EPG5: variants seen among roughly 807,000 people sequenced by gnomAD.
The protein encoded by EPG5 is ectopic P-granules 5 autophagy tethering factor.
In EPG5, 159 loss-of-function variants were observed where a neutral mutation model predicts 302.7. The ratio of observed to expected loss-of-function variants is 0.53; its 90% CI spans 0.46 to 0.60. The LOEUF is 0.60. EPG5 is among the 20% of genes least tolerant of loss of function. The pLI is 0.00. For missense variants in EPG5, 2,896 were observed against 3,092.4 expected (o/e 0.94, Z 1.51); for synonymous variants, 1,158 against 1,136.8 (o/e 1.02, Z -0.37).
intron 23 of EPG5, 148 bp downstream of exon 23, chr18:45,910,373 A>C (rs1415639945): frequency 1.7e-6 from 1 of 574,258 alleles, no homozygotes; most frequent in African/African-American, 1.9e-5. Flanking sequence ...AAACATTTCA[A>C]GATGCAAATC....
At chr18:45,901,409 G>T (rs759933977) in intron 25 of EPG5, among the ~76,000 whole-genome samples, 28 of 152,110 alleles carry the variant, frequency 1.8e-4, no homozygotes, top group Non-Finnish European at 2.9e-4. Context: ...ATATCACGTG[G>T]ATCTAGTGAA....
chr18:45,862,887 T>C (rs182274891), intron 39 of EPG5, among the ~76,000 whole-genome samples: 5 of 152,376 alleles, frequency 3.3e-5, no homozygotes, highest in African/African-American at 1.2e-4. Flanking sequence ...CTGTATTTTA[T>C]TATTCAGTTG....
At chr18:45,878,478 C>T in intron 33 of EPG5, 30 bp from the exon 34 acceptor site, 1 of 1,412,326 alleles carries the variant, frequency 7.1e-7, no homozygotes, top group Non-Finnish European at 1.0e-6. Context: ...AAACAAAGGT[C>T]ATCATTTGTC....
In EPG5 at chr18:45,849,444, A is replaced by G. The variant is rs1339556746; in HGVS notation, c.*3023T>C. The G allele has an allele frequency of 6.6e-6, 1 of 152,234 alleles. No individual in the cohort carries two copies. Among genetic ancestry groups the G allele is most frequent in the Non-Finnish European group, 1.5e-5 (1 of 68,056 alleles). The allele number at this position is 152,234 out of a possible 1,614,324, so 9.4% of individuals were successfully genotyped here. ...AACGTGAATGACCCTTCTGACTGTA[A>G]AAGTCTACGATTCCAGGACATTTGC... On this transcript the variant is annotated 3_prime_UTR_variant, in exon 44 of 44. Transcript: ENST00000282041.
chr18:45,837,170 G>A, the EPG5 span: 1 of 1,575,630 alleles, frequency 6.3e-7, no homozygotes, highest in East Asian at 2.3e-5. Context: ...TTTCCACAGG[G>A]CAGGTTTTGA....
chr18:45,922,539 C>T lies in EPG5; in HGVS notation c.2900G>A (p.Trp967Ter), dbSNP rs2050182318. ...GETPETSFNQWAWNLILRLKL... is the reference protein window; with the variant it reads ...GETPETSFNQ ...TAGCCTCAAGATTAAATTCCAGGCC[C>T]ATTGGTTAAATGAGGTCTCGGGTGT... is the stretch of plus-strand genomic sequence containing the variant. Residue 967 changes from tryptophan to a stop codon, truncating the protein, a stop_gained, in exon 16 of 44, where the codon TGG becomes TAG. Transcript: ENST00000282041. LOFTEE classifies it high-confidence loss of function. The T allele has an allele frequency of 6.2e-7, 1 of 1,614,168 alleles. No homozygotes were observed. The highest frequency in any genetic ancestry group is 8.5e-7 in the Non-Finnish European group (1 of 1,180,028).
In EPG5 at chr18:45,961,032, G is replaced by A. The variant is rs116075007; in HGVS notation, c.64-5694C>T. ...CACCCACAGCTTTCTCCTTCTCAGGGTCTTCCTTGACTGTTTTCTCTCACA... is the reference window on the plus strand; with the variant it reads ...CACCCACAGCTTTCTCCTTCTCAGGATCTTCCTTGACTGTTTTCTCTCACA... On this transcript the variant is annotated intron_variant, in intron 1 of 43. Coordinates refer to ENST00000282041, the MANE Select transcript of EPG5 (RefSeq NM_020964.3). Among the ~76,000 whole-genome samples, 411 of 152,104 alleles carry A rather than the reference G, an allele frequency of 2.7e-3. 2 individuals are homozygous for A. Among genetic ancestry groups the A allele is most frequent in the African/African-American group, 9.3e-3 (387 of 41,480 alleles).
the EPG5 span, among the ~76,000 whole-genome samples, chr18:45,825,042 C>G: frequency 6.6e-6 from 1 of 151,760 alleles, no homozygotes; most frequent in Non-Finnish European, 1.5e-5. Context: ...GTTGGGTCAA[C>G]TGCTCAAAGA....
At chr18:45,940,320 G>A (rs942841902) in intron 9 of EPG5, among the ~76,000 whole-genome samples, 6 of 152,256 alleles carry the variant, frequency 3.9e-5, no homozygotes, top group Non-Finnish European at 7.3e-5. Flanking sequence ...GGGCCCTGCA[G>A]GCCACTGTGA....
intron 27 of EPG5, among the ~76,000 whole-genome samples, chr18:45,897,411 CT>C (rs1006315277): frequency 6.6e-6 from 1 of 152,116 alleles, no homozygotes; most frequent in Non-Finnish European, 1.5e-5. Flanking sequence ...GAAGACACCC[CT>C]TTTTTTATTA....
At chr18:45,826,837 G>T in the EPG5 span, among the ~76,000 whole-genome samples, 1 of 152,174 alleles carries the variant, frequency 6.6e-6, no homozygotes, top group East Asian at 1.9e-4. Context: ...GCAAACCTCT[G>T]CACAGCTGTC....
At chr18:45,816,487 C>G in the EPG5 span, among the ~76,000 whole-genome samples, 2 of 152,176 alleles carry the variant, frequency 1.3e-5, no homozygotes, top group East Asian at 1.9e-4. Flanking sequence ...ATAGACAATT[C>G]TCAAAAGAAG....
chr18:45,914,420 G>C (rs1318281151), intron 20 of EPG5, among the ~76,000 whole-genome samples: 2 of 152,192 alleles, frequency 1.3e-5, no homozygotes, highest in Non-Finnish European at 2.9e-5. Context: ...CAAATAAGAG[G>C]TTGAAGAACA....
intron 26 of EPG5, 82 bp downstream of exon 26, chr18:45,900,914 G>A (rs1599528754): frequency 3.4e-6 from 5 of 1,462,078 alleles, no homozygotes; most frequent in Non-Finnish European, 4.6e-6. Flanking sequence ...TGCTGACAAG[G>A]AAGCCACTCC....
chr18:45,916,237 G>T, intron 18 of EPG5, 31 bp from the exon 19 acceptor site: 1 of 1,582,460 alleles, frequency 6.3e-7, no homozygotes, highest in Non-Finnish European at 8.6e-7. Context: ...TGATGGGAAA[G>T]ATAACAACCA....
At chr18:45,860,599 A>G (rs191104371) in intron 39 of EPG5, among the ~76,000 whole-genome samples, 46 of 135,106 alleles carry the variant, frequency 3.4e-4, no homozygotes, top group African/African-American at 1.5e-3. Context: ...GCAGAGCAAT[A>G]CTTAATAAAT....
At chr18:45,939,242 T>G (rs999883657) in intron 10 of EPG5, among the ~76,000 whole-genome samples, 1 of 152,206 alleles carries the variant, frequency 6.6e-6, no homozygotes, top group Non-Finnish European at 1.5e-5. Flanking sequence ...TTGCACCACA[T>G]GCTGCACACC....
At chr18:45,895,038 T>C (rs996016438) in intron 27 of EPG5, among the ~76,000 whole-genome samples, 1 of 152,072 alleles carries the variant, frequency 6.6e-6, no homozygotes, top group African/African-American at 2.4e-5. Context: ...GTGCATACCA[T>C]GGAGAAATGG....
At chr18:45,870,980 G>C (rs186167118) in intron 35 of EPG5, among the ~76,000 whole-genome samples, 23 of 152,206 alleles carry the variant, frequency 1.5e-4, no homozygotes, top group Admixed American at 3.3e-4. Context: ...GAAATAATCA[G>C]CTTTTCTTTA....
Sources: gnomAD v4.1 joint callset for allele counts (sites outside exome capture counted in the v4.1 genomes callset) on GRCh38, gnomAD v4.1.1 for gene constraint, MANE v1.5 for transcripts, NCBI Gene and HGNC (gene_info 2026-07-23, HGNC 2026-07-21) for gene names.